Variants in CNTN1 observed in about 807,000 individuals in gnomAD.
The protein encoded by CNTN1 is contactin 1.
Under a neutral mutation model 126.4 loss-of-function variants are expected in CNTN1, and 38 were observed. That is an observed-to-expected ratio of 0.30 (90% CI 0.23 to 0.39). The LOEUF is 0.39. Among genes scored for constraint, CNTN1 ranks in the 10% least tolerant of loss-of-function variants. CNTN1 has a pLI of 1.00. For synonymous variants in CNTN1, 413 were observed against 422.6 expected (o/e 0.98, Z 0.28); for missense variants, 1,009 against 1,248.4 (o/e 0.81, Z 2.89).
At chr12:40,749,174 G>T (rs918529952) in intron 1 of CNTN1, among the ~76,000 whole-genome samples, 6 of 152,056 alleles carry the variant, frequency 3.9e-5, no homozygotes, top group Admixed American at 3.9e-4. Context: ...GAGAGACTGA[G>T]CTATATAATA....
intron 15 of CNTN1, among the ~76,000 whole-genome samples, chr12:40,963,706 A>C (rs770008393): frequency 6.6e-6 from 1 of 152,106 alleles, no homozygotes; most frequent in Admixed American, 6.6e-5. Flanking sequence ...CTACATTAAG[A>C]GTATTGATAC....
chr12:40,816,178 G>C (rs1941249033), intron 1 of CNTN1, among the ~76,000 whole-genome samples: 1 of 152,160 alleles, frequency 6.6e-6, no homozygotes, highest in South Asian at 2.1e-4. Flanking sequence ...ATGAGTTAGG[G>C]AGGAGTCCCT....
rs1373194504 is a variant in CNTN1 at position 40,937,615 on chromosome 12, G to A, written c.1156G>A (p.Ala386Thr). ...ACTGTATGATGTGACTTTTGAAAAT[G>A]CCGGAATGTATCAGTGCATAGCTGA... ...LRLYDVTFEN[A>T]GMYQCIAENT... Residue 386 changes from alanine to threonine, a missense_variant, in exon 11 of 24, where the codon GCC (alanine) becomes ACC (threonine). Ala to Thr is a moderately conservative substitution (Grantham distance 58). Transcript: ENST00000551295. The A allele has an allele frequency of 1.2e-6, 2 of 1,613,032 alleles. No individual in the cohort carries two copies. The highest frequency in any genetic ancestry group is 3.3e-5 in the Admixed American group (2 of 59,942).
chr12:40,753,208 A>C (rs950274786), intron 1 of CNTN1, among the ~76,000 whole-genome samples: 3 of 151,998 alleles, frequency 2.0e-5, no homozygotes, highest in African/African-American at 7.2e-5. Flanking sequence ...CCTCCTCCTC[A>C]TCTCCTTCCT....
At position 41,016,577 on chromosome 12, in the gene CNTN1, T is replaced by A. The variant is rs1948786127; in HGVS notation, c.2185-105T>A. ...CCAGCACTAATGTATGAACTGTGTA[T>A]GTTTTTACAAAGAGCACGCCTCCGT... is the stretch of plus-strand genomic sequence containing the variant. On this transcript the variant is annotated intron_variant, in intron 18 of 23. Coordinates refer to ENST00000551295, the MANE Select transcript of CNTN1 (RefSeq NM_001843.4). The A allele has an allele frequency of 4.7e-5, 35 of 748,630 alleles. 3 individuals carry two copies. In the South Asian group the frequency reaches 5.1e-4, roughly 11 times the overall value. The allele number at this position is 748,630 out of a possible 1,614,324, so 46.4% of individuals were successfully genotyped here. A position where few individuals can be genotyped will look rare whatever the true frequency, so the allele number is the denominator to read the frequency against.
At chr12:40,978,152 G>C (rs909265192) in intron 15 of CNTN1, among the ~76,000 whole-genome samples, 1 of 152,014 alleles carries the variant, frequency 6.6e-6, no homozygotes, top group Non-Finnish European at 1.5e-5. Flanking sequence ...TTACAGATGA[G>C]TAAACAGGAA....
chr12:40,918,221 C>A (rs1395033990), intron 3 of CNTN1, among the ~76,000 whole-genome samples: 1 of 152,094 alleles, frequency 6.6e-6, no homozygotes, highest in South Asian at 2.1e-4. Context: ...AAAAGAGGAC[C>A]AATAAAAGCC....
At chr12:40,780,602 T>C (rs1012827956) in intron 1 of CNTN1, among the ~76,000 whole-genome samples, 2 of 150,610 alleles carry the variant, frequency 1.3e-5, no homozygotes, top group African/African-American at 4.9e-5. Context: ...TCAAATTCTC[T>C]ATTCTCGGGA....
chr12:40,975,175 GGAT>G (rs2137054811), intron 15 of CNTN1, among the ~76,000 whole-genome samples: 3 of 89,788 alleles, frequency 3.3e-5, no homozygotes, highest in Admixed American at 1.2e-4. Flanking sequence ...TTTGTAAAAT[GGAT>G]TATATATATA....
intron 23 of CNTN1, among the ~76,000 whole-genome samples, chr12:41,031,824 A>G (rs1342846157): frequency 6.6e-6 from 1 of 152,204 alleles, no homozygotes; most frequent in African/African-American, 2.4e-5. Flanking sequence ...GAATAACACC[A>G]TTCTAGAATA....
Position 40,993,233 on chromosome 12 carries a change from A to G in CNTN1, c.2077A>G (p.Ser693Gly). 1 of 1,613,926 alleles carries G rather than the reference A, an allele frequency of 6.2e-7. No homozygotes were observed. Among genetic ancestry groups the G allele is most frequent in the Non-Finnish European group, 8.5e-7 (1 of 1,179,794 alleles). Residue 693 changes from serine to glycine, a missense_variant, in exon 17 of 24, where the codon AGT becomes GGT. Transcript: ENST00000551295. ...CAATACACTGGGTAGAGGAGAGCCCAGTATACCATCTAACAGAATTAAAAC... is the reference window on the plus strand; with the variant it reads ...CAATACACTGGGTAGAGGAGAGCCCGGTATACCATCTAACAGAATTAAAAC... ...ATNTLGRGEP[S>G]IPSNRIKTDG... is the part of the protein sequence containing the mutation.
chr12:40,918,575 T>C, intron 3 of CNTN1, 64 bp from the exon 4 acceptor site: 3 of 1,431,568 alleles, frequency 2.1e-6, no homozygotes, highest in Non-Finnish European at 2.9e-6. Flanking sequence ...TTTTTTTCAA[T>C]GTTCTCAAAT....
At chr12:40,798,506 A>G (rs528399280) in intron 1 of CNTN1, among the ~76,000 whole-genome samples, 1 of 152,000 alleles carries the variant, frequency 6.6e-6, no homozygotes, top group South Asian at 2.1e-4. Flanking sequence ...TCCCCAGAGC[A>G]ATGGATTACG....
chr12:40,904,931 A>C (rs944362993), intron 1 of CNTN1, among the ~76,000 whole-genome samples: 3 of 152,240 alleles, frequency 2.0e-5, no homozygotes, highest in Admixed American at 1.3e-4. Flanking sequence ...TGGTTACTGA[A>C]TACTTTCAGT....
At chr12:40,709,449 T>C (rs1030129699) in intron 1 of CNTN1, among the ~76,000 whole-genome samples, 3 of 152,202 alleles carry the variant, frequency 2.0e-5, no homozygotes, top group African/African-American at 7.2e-5. Flanking sequence ...TAAATGAGTA[T>C]TGGCTTCAGA....
At chr12:40,852,889 G>GT (rs143905169) in intron 1 of CNTN1, among the ~76,000 whole-genome samples, 23,442 of 145,440 alleles carry the variant, frequency 0.16, 2,437 homozygotes, top group African/African-American at 0.29. Flanking sequence ...TTATTGCATA[G>GT]TTTTTTTTTT....
At position 40,922,439 on chromosome 12, in the gene CNTN1, T is replaced by C. The variant is rs1477784789; in HGVS notation, c.400+11T>C. The C allele has an allele frequency of 1.2e-6, 2 of 1,613,564 alleles. No homozygotes were observed. Among genetic ancestry groups the C allele is most frequent in the Admixed American group, 1.7e-5 (1 of 59,992 alleles). ...CCCTGAGCTTTGGATGTAAGTAAAC[T>C]GTAACTTTTAAAAAAGGGCAAGCGT... On this transcript the variant is annotated intron_variant, in intron 5 of 23. Transcript: ENST00000551295.
At chr12:40,707,079 CA>C (rs1941775238) in intron 1 of CNTN1, among the ~76,000 whole-genome samples, 2 of 124,736 alleles carry the variant, frequency 1.6e-5, no homozygotes, top group Non-Finnish European at 3.4e-5. Context: ...CACACACACA[CA>C]CACACACACC....
intron 1 of CNTN1, among the ~76,000 whole-genome samples, chr12:40,759,113 A>G (rs889572681): frequency 2.0e-5 from 3 of 152,072 alleles, no homozygotes; most frequent in Non-Finnish European, 4.4e-5. Flanking sequence ...CATGTTGGTC[A>G]GGCTAGTCTC....
Sources: gnomAD v4.1 joint callset for allele counts (sites outside exome capture counted in the v4.1 genomes callset) on GRCh38, gnomAD v4.1.1 for gene constraint, MANE v1.5 for transcripts, NCBI Gene and HGNC (gene_info 2026-07-23, HGNC 2026-07-21) for gene names.